FARS2: variants seen among roughly 807,000 people sequenced by gnomAD.
FARS2 encodes phenylalanyl-tRNA synthetase 2, mitochondrial.
A neutral mutation model predicts 46.4 loss-of-function variants in FARS2; 40 were observed. The observed-to-expected ratio is 0.86, with a 90% confidence interval of 0.67 to 1.12. The LOEUF is 1.12. Among genes scored for constraint, FARS2 ranks in the 50% most tolerant of loss-of-function variants. The pLI, the probability that FARS2 is intolerant of heterozygous loss-of-function variation, is 0.00. For missense variants in FARS2, 513 were observed against 567.9 expected (o/e 0.90, Z 0.98); for synonymous variants, 234 against 214.9 (o/e 1.09, Z -0.78).
chr6:5,643,917 A>G (rs1044796173), intron 6 of FARS2, among the ~76,000 whole-genome samples: 2 of 152,244 alleles, frequency 1.3e-5, no homozygotes, highest in Non-Finnish European at 2.9e-5. Context: ...TGGTCTCTGT[A>G]GAGAAGCTAG....
chr6:5,615,712 G>A (rs1775434527), intron 6 of FARS2, among the ~76,000 whole-genome samples: 1 of 151,884 alleles, frequency 6.6e-6, no homozygotes, highest in Non-Finnish European at 1.5e-5. Context: ...TGAATGCATT[G>A]GGTTTCCTGG....
chr6:5,292,281 A>G (rs932298735), intron 1 of FARS2, among the ~76,000 whole-genome samples: 1 of 152,242 alleles, frequency 6.6e-6, no homozygotes, highest in Non-Finnish European at 1.5e-5. Context: ...TTAAGCAGAA[A>G]AGTGACCTTT....
At chr6:5,611,051 G>A (rs1460345310) in intron 5 of FARS2, among the ~76,000 whole-genome samples, 7 of 152,268 alleles carry the variant, frequency 4.6e-5, no homozygotes, top group Admixed American at 4.6e-4. Flanking sequence ...ACTGTGCACA[G>A]TAAGGAGATT....
At chr6:5,575,773 C>T (rs1363921056) in intron 5 of FARS2, among the ~76,000 whole-genome samples, 1 of 152,202 alleles carries the variant, frequency 6.6e-6, no homozygotes, top group Non-Finnish European at 1.5e-5. Flanking sequence ...TACAGGTCAA[C>T]ATAGTAGAAT....
At chr6:5,597,963 C>T (rs572149925) in intron 5 of FARS2, among the ~76,000 whole-genome samples, 14 of 152,170 alleles carry the variant, frequency 9.2e-5, no homozygotes, top group African/African-American at 3.1e-4. Context: ...ACAGTAGCTA[C>T]CCATGAAGCC....
chr6:5,569,517 A>G (rs570496320), intron 5 of FARS2, among the ~76,000 whole-genome samples: 43 of 152,230 alleles, frequency 2.8e-4, no homozygotes, highest in African/African-American at 1.0e-3. Flanking sequence ...GAGCCACCGT[A>G]TTTGAGCAGG....
intron 2 of FARS2, among the ~76,000 whole-genome samples, chr6:5,399,654 T>G (rs981255722): frequency 6.6e-6 from 1 of 152,188 alleles, no homozygotes; most frequent in African/African-American, 2.4e-5. Context: ...TTCTAGCCTA[T>G]CCTTCCTTTT....
chr6:5,466,687 G>A, intron 4 of FARS2: 1 of 985,306 alleles, frequency 1.0e-6, no homozygotes, highest in Non-Finnish European at 1.2e-6. Flanking sequence ...TCAAACCTGG[G>A]GAGCTGGATA....
chr6:5,617,847 TA>T (rs1185750050), intron 6 of FARS2, among the ~76,000 whole-genome samples: 1 of 152,200 alleles, frequency 6.6e-6, no homozygotes, highest in African/African-American at 2.4e-5. Context: ...TTAGGCCACT[TA>T]TTTTTTAGAT....
At chr6:5,489,932 A>C (rs1766999849) in intron 4 of FARS2, among the ~76,000 whole-genome samples, 1 of 152,250 alleles carries the variant, frequency 6.6e-6, no homozygotes, top group South Asian at 2.1e-4. Context: ...GTAAAATAAA[A>C]GTCTTTCATT....
At chr6:5,413,031 A>ACAC (rs1246429612) in intron 3 of FARS2, among the ~76,000 whole-genome samples, 4 of 152,136 alleles carry the variant, frequency 2.6e-5, no homozygotes, top group Non-Finnish European at 5.9e-5. Context: ...TGGAAATAAG[A>ACAC]CACCACCCTA....
chr6:5,380,298 A>G (rs931328809), intron 2 of FARS2, among the ~76,000 whole-genome samples: 1 of 152,234 alleles, frequency 6.6e-6, no homozygotes, highest in African/African-American at 2.4e-5. Flanking sequence ...TTTACATTCT[A>G]CATTTGTTGT....
intron 3 of FARS2, among the ~76,000 whole-genome samples, chr6:5,405,155 GA>G (rs1158573573): frequency 1.9e-4 from 29 of 152,178 alleles, no homozygotes; most frequent in African/African-American, 6.7e-4. Flanking sequence ...GTCTAAACAC[GA>G]AATTCATTTG....
At chr6:5,257,153 G>A (rs1166085399), upstream of FARS2, among the ~76,000 whole-genome samples, 1 of 152,126 alleles carries the variant, frequency 6.6e-6, no homozygotes, top group African/African-American at 2.4e-5. Flanking sequence ...TCAGGTTAGT[G>A]GCTGCCTGTG....
intron 4 of FARS2, among the ~76,000 whole-genome samples, chr6:5,436,165 C>A (rs1245427440): frequency 1.3e-5 from 2 of 152,152 alleles, no homozygotes; most frequent in African/African-American, 4.8e-5. Context: ...TGGTGCCAGG[C>A]CTTTCCCTGG....
intron 2 of FARS2, among the ~76,000 whole-genome samples, chr6:5,369,758 G>C (rs1317177995): frequency 6.6e-6 from 1 of 152,114 alleles, no homozygotes; most frequent in Non-Finnish European, 1.5e-5. Flanking sequence ...TATTCTTGAA[G>C]CATGTGTTAG....
chr6:5,467,956 A>G (rs570626889), intron 4 of FARS2, among the ~76,000 whole-genome samples: 2 of 152,382 alleles, frequency 1.3e-5, no homozygotes, highest in African/African-American at 4.8e-5. Flanking sequence ...GTCATTAAAT[A>G]GAATATATAT....
intron 6 of FARS2, among the ~76,000 whole-genome samples, chr6:5,760,931 C>T (rs867142704): frequency 6.6e-6 from 1 of 152,230 alleles, no homozygotes; most frequent in South Asian, 2.1e-4. Flanking sequence ...TTGTACACAG[C>T]CTGTCCTCTT....
chr6:5,743,222 C>T (rs1388330189), intron 6 of FARS2, among the ~76,000 whole-genome samples: 1 of 152,160 alleles, frequency 6.6e-6, no homozygotes, highest in African/African-American at 2.4e-5. Context: ...TCACTTTTCT[C>T]ATCTCTAAAA....
Sources: allele counts gnomAD v4.1 joint callset (sites outside exome capture counted in the v4.1 genomes callset), GRCh38; gene constraint gnomAD v4.1.1; transcripts MANE v1.5; gene names NCBI Gene and HGNC (gene_info 2026-07-23, HGNC 2026-07-21).